Variants in KLKB1 observed in about 807,000 individuals in gnomAD.
The protein encoded by KLKB1 is kallikrein B1.
In KLKB1, 58 loss-of-function variants were observed where a neutral mutation model predicts 73.6. The observed-to-expected ratio is 0.79, with a 90% CI of 0.64 to 0.98. The LOEUF is 0.98. Ranked by LOEUF, KLKB1 falls within the 50% of genes least tolerant of loss-of-function variation. The pLI, the probability that KLKB1 is intolerant of heterozygous loss-of-function variation, is 0.00. For missense variants in KLKB1, 737 were observed against 763.8 expected, an observed-to-expected ratio of 0.96 and a Z score of 0.41; for synonymous variants, 280 against 258.1, an observed-to-expected ratio of 1.08 and a Z score of -0.81.
Position 186,254,674 on chromosome 4 carries a change from AAG to A in KLKB1, c.1404_1405del (p.Glu468AspfsTer8). 1.2e-6 allele frequency: 2 copies of A among 1,613,316 alleles called. No homozygotes were observed. Among genetic ancestry groups the A allele is most frequent in the Non-Finnish European group, 1.7e-6 (2 of 1,179,228 alleles). On this transcript the variant is annotated frameshift_variant, in exon 12 of 15. Coordinates refer to ENST00000264690, the MANE Select transcript of KLKB1 (RefSeq NM_000892.5). LOFTEE classifies it high-confidence loss of function. ...AAAGATACACCTTTCTCACAAATAA[AAG>A]AGATTATTATTCACCAAAACTATAA...
chr4:186,234,260 T>A (rs906984576), intron 4 of KLKB1, among the ~76,000 whole-genome samples: 1 of 152,232 alleles, frequency 6.6e-6, no homozygotes, highest in Non-Finnish European at 1.5e-5. Flanking sequence ...ACATACTTAA[T>A]GAGCCTCTAT....
upstream of KLKB1, chr4:186,226,543 A>G (rs1737175822): frequency 6.6e-6 from 1 of 152,366 alleles, no homozygotes; most frequent in South Asian, 2.1e-4. Flanking sequence ...TATTCTGTGC[A>G]CAAGGACTGG....
intron 12 of KLKB1, among the ~76,000 whole-genome samples, chr4:186,255,378 C>G (rs1447490524): frequency 6.6e-6 from 1 of 152,152 alleles, no homozygotes; most frequent in Non-Finnish European, 1.5e-5. Flanking sequence ...CTGGGCAACA[C>G]AGTGAGACCC....
At chr4:186,252,751 A>G (rs903878648) in intron 11 of KLKB1, among the ~76,000 whole-genome samples, 6 of 148,584 alleles carry the variant, frequency 4.0e-5, no homozygotes, top group Non-Finnish European at 7.5e-5. Flanking sequence ...TCCCACCACC[A>G]ATCCCACCAC....
chr4:186,213,951 T>C (rs1206068090), intron 2 of KLKB1, among the ~76,000 whole-genome samples: 1 of 152,232 alleles, frequency 6.6e-6, no homozygotes, highest in Non-Finnish European at 1.5e-5. Flanking sequence ...GCTTTTCTTC[T>C]GTTCTCATCT....
chr4:186,257,284 C>T lies in KLKB1; in HGVS notation c.1644C>T (p.Cys548=), dbSNP rs1739051006. The change falls in exon 14 of 15, where the codon TGC becomes TGT. Residue 548 remains cysteine, a synonymous_variant. Transcript: ENST00000264690. ...VNIPLVTNEE[C]QKRYQDYKIT... ...TTCCTTTGGTAACAAATGAAGAATG[C>T]CAGAAAAGATATCAAGATTATAAAA... 11 of 1,600,658 alleles carry T rather than the reference C, an allele frequency of 6.9e-6. No individual in the cohort carries two copies. Among genetic ancestry groups the T allele is most frequent in the Non-Finnish European group, 9.4e-6 (11 of 1,171,496 alleles).
rs113884104 is a variant in KLKB1, at chr4:186,251,268, A to C, written c.808A>C (p.Thr270Pro). The C allele has an allele frequency of 1.7e-5, 28 of 1,612,306 alleles. No individual in the cohort carries two copies. Among genetic ancestry groups the C allele is most frequent in the Non-Finnish European group, 2.3e-5 (27 of 1,178,694 alleles). Residue 270 changes from threonine (T) to proline (P), a missense_variant, in exon 8 of 15, where the codon ACT becomes CCT. Thr to Pro is a conservative substitution (Grantham distance 38, BLOSUM62 -1). Transcript: ENST00000264690. ...TSESGTPSSS[T>P]PQENTISGYS... Reference sequence around the variant, plus strand: ...TGAAAGTGGCACACCAAGTTCCTCTACTCCTCAAGAAAACACCATATCTGG... The same window carrying C: ...TGAAAGTGGCACACCAAGTTCCTCTCCTCCTCAAGAAAACACCATATCTGG...
chr4:186,240,613 G>A (rs968299593), intron 6 of KLKB1, among the ~76,000 whole-genome samples: 1 of 152,140 alleles, frequency 6.6e-6, no homozygotes, highest in Non-Finnish European at 1.5e-5. Context: ...CCAGTTTTCC[G>A]CAGTACTGGG....
chr4:186,236,969 T>C, intron 5 of KLKB1, 29 bp downstream of exon 5: 3 of 1,611,188 alleles, frequency 1.9e-6, no homozygotes, highest in Non-Finnish European at 2.5e-6. Context: ...GTGTGTTCTT[T>C]GTATTGGTGC....
At chr4:186,246,396 G>A (rs948347481) in intron 6 of KLKB1, among the ~76,000 whole-genome samples, 3 of 152,050 alleles carry the variant, frequency 2.0e-5, no homozygotes, top group Non-Finnish European at 4.4e-5. Context: ...GACTAGGGAG[G>A]GACCAATGTG....
chr4:186,240,087 A>C (rs1737936819), intron 6 of KLKB1, among the ~76,000 whole-genome samples: 1 of 151,610 alleles, frequency 6.6e-6, no homozygotes, highest in Admixed American at 6.6e-5. Context: ...TAGTACAGTG[A>C]TACTGTTAGA....
intron 12 of KLKB1, among the ~76,000 whole-genome samples, chr4:186,255,433 G>T (rs1310891220): frequency 6.6e-6 from 1 of 152,148 alleles, no homozygotes; most frequent in Non-Finnish European, 1.5e-5. Context: ...TGGGTGTGGT[G>T]GTGTGCACCT....
chr4:186,247,170 G>A (rs1163360561), intron 6 of KLKB1, among the ~76,000 whole-genome samples: 1 of 152,162 alleles, frequency 6.6e-6, no homozygotes, highest in Non-Finnish European at 1.5e-5. Context: ...GGGGACAGGG[G>A]ATTGATTTCC....
At chr4:186,214,667 T>C (rs546466832) in intron 2 of KLKB1, among the ~76,000 whole-genome samples, 118 of 152,358 alleles carry the variant, frequency 7.7e-4, no homozygotes, top group African/African-American at 2.8e-3. Context: ...GATGACTTTC[T>C]GGACTAATTA....
chr4:186,231,258 T>A (rs949292205), intron 2 of KLKB1, among the ~76,000 whole-genome samples: 1 of 152,222 alleles, frequency 6.6e-6, no homozygotes, highest in Non-Finnish European at 1.5e-5. Flanking sequence ...ATGGTCCCAG[T>A]TGACAACTGA....
rs1234224776 is a variant in KLKB1, at chr4:186,258,114, C to A, written c.1819C>A (p.Gln607Lys). 1 of 1,614,010 alleles carries A rather than the reference C, an allele frequency of 6.2e-7. No homozygotes were observed. Among genetic ancestry groups the A allele is most frequent in the Non-Finnish European group, 8.5e-7 (1 of 1,179,978 alleles). Residue 607 changes from glutamine (Q) to lysine (K), a missense_variant, in exon 15 of 15, where the codon CAA becomes AAA. Coordinates refer to ENST00000264690, the MANE Select transcript of KLKB1 (RefSeq NM_000892.5). Reference sequence around the variant, plus strand: ...GGGTGAAGGCTGTGCCCGCAGGGAGCAACCTGGTGTCTACACCAAAGTCGC... The same window carrying A: ...GGGTGAAGGCTGTGCCCGCAGGGAGAAACCTGGTGTCTACACCAAAGTCGC... ...SWGEGCARRE[Q>K]PGVYTKVAEY... is the part of the protein sequence containing the mutation.
intron 4 of KLKB1, among the ~76,000 whole-genome samples, chr4:186,234,839 TAA>T (rs1414356339): frequency 1.3e-5 from 2 of 152,220 alleles, no homozygotes; most frequent in Non-Finnish European, 2.9e-5. Context: ...CTGGGACTGA[TAA>T]GAAAGTGAAA....
At chr4:186,251,367 C>T (rs1738664883) in intron 8 of KLKB1, 39 bp downstream of exon 8, 1 of 1,513,738 alleles carries the variant, frequency 6.6e-7, no homozygotes, top group Admixed American at 1.7e-5. Context: ...AAAATGTAAC[C>T]TATTTCATGA....
intron 7 of KLKB1, chr4:186,250,925 A>G (rs542273094): frequency 6.2e-5 from 26 of 416,342 alleles, no homozygotes; most frequent in Non-Finnish European, 9.1e-5. Context: ...AAATTCCCAG[A>G]ATTTGTTCTT....
Sources: gnomAD v4.1 joint callset for allele counts (sites outside exome capture counted in the v4.1 genomes callset) on GRCh38, gnomAD v4.1.1 for gene constraint, MANE v1.5 for transcripts, NCBI Gene and HGNC (gene_info 2026-07-23, HGNC 2026-07-21) for gene names.